DACH1: variants seen among roughly 807,000 people sequenced by gnomAD.
DACH1 encodes dachshund homolog 1.
DACH1 carries 12 observed loss-of-function variants against 54.2 expected under a neutral mutation model. The ratio of observed to expected loss-of-function variants is 0.22; its 90% confidence interval spans 0.14 to 0.36. The LOEUF (loss-of-function observed/expected upper bound fraction) is 0.36. Ranked by LOEUF, DACH1 falls within the 10% of genes least tolerant of loss-of-function variation. DACH1 has a pLI of 1.00. For synonymous variants in DACH1, 386 were observed against 366.2 expected (o/e 1.05, Z -0.62); for missense variants, 805 against 929.8 (o/e 0.87, Z 1.75).
intron 2 of DACH1, among the ~76,000 whole-genome samples, chr13:71,672,664 A>G (rs1369861946): frequency 6.6e-6 from 1 of 152,160 alleles, no homozygotes; most frequent in African/African-American, 2.4e-5. Context: ...TTGCACTAAA[A>G]TAAACAATAT....
intron 1 of DACH1, among the ~76,000 whole-genome samples, chr13:71,818,065 G>A (rs181726802): frequency 6.6e-6 from 1 of 151,848 alleles, no homozygotes; most frequent in African/African-American, 2.4e-5. Context: ...CACCTGCCTC[G>A]GCCTCCCAAA....
chr13:71,727,972 C>A (rs1034672900), intron 1 of DACH1, among the ~76,000 whole-genome samples: 5 of 152,066 alleles, frequency 3.3e-5, no homozygotes, highest in Non-Finnish European at 7.4e-5. Context: ...CTAGACCACA[C>A]TCTGGAAACC....
At chr13:71,653,203 T>G (rs61958961) in intron 2 of DACH1, among the ~76,000 whole-genome samples, 14,157 of 152,098 alleles carry the variant, frequency 0.093, 1,665 homozygotes, top group African/African-American at 0.27. Context: ...AGCAGCACAA[T>G]AAACCCCGCC....
chr13:71,791,694 A>G (rs984728395), intron 1 of DACH1, among the ~76,000 whole-genome samples: 5 of 152,132 alleles, frequency 3.3e-5, no homozygotes, highest in Admixed American at 3.3e-4. Context: ...TGAGTGTGGA[A>G]CTATTCTTAA....
chr13:71,638,540 T>A (rs1338747506), intron 2 of DACH1, among the ~76,000 whole-genome samples: 1 of 152,202 alleles, frequency 6.6e-6, no homozygotes, highest in African/African-American at 2.4e-5. Flanking sequence ...TTTGTTTCAG[T>A]CATAAATGTT....
At chr13:71,777,385 T>C (rs1886108036) in intron 1 of DACH1, among the ~76,000 whole-genome samples, 2 of 152,110 alleles carry the variant, frequency 1.3e-5, no homozygotes, top group Admixed American at 1.3e-4. Context: ...ATGACATCTA[T>C]ATCATAGGGT....
chr13:71,619,698 G>T (rs1469727596), intron 3 of DACH1, among the ~76,000 whole-genome samples: 1 of 151,918 alleles, frequency 6.6e-6, no homozygotes, highest in Non-Finnish European at 1.5e-5. Flanking sequence ...TTAAGTTAAT[G>T]AGAGATTCTT....
At chr13:71,508,298 G>T (rs762694760) in intron 6 of DACH1, among the ~76,000 whole-genome samples, 5 of 151,998 alleles carry the variant, frequency 3.3e-5, no homozygotes, top group African/African-American at 4.8e-5. Flanking sequence ...AAGTATTTTC[G>T]TCCTGTTTCT....
At chr13:71,564,381 C>G (rs980877459) in intron 4 of DACH1, among the ~76,000 whole-genome samples, 8 of 151,346 alleles carry the variant, frequency 5.3e-5, no homozygotes, top group Non-Finnish European at 8.8e-5. Context: ...ATCAACTTTA[C>G]CAATCAATAA....
chr13:71,651,362 T>C (rs1395167237), intron 2 of DACH1, among the ~76,000 whole-genome samples: 1 of 144,702 alleles, frequency 6.9e-6, no homozygotes, highest in African/African-American at 2.6e-5. Flanking sequence ...AGTGAGACCC[T>C]GTCTCACAAA....
intron 3 of DACH1, among the ~76,000 whole-genome samples, chr13:71,593,646 G>T (rs1953163524): frequency 6.6e-6 from 1 of 152,000 alleles, no homozygotes; most frequent in Non-Finnish European, 1.5e-5. Context: ...TGTTGAGTGG[G>T]AATATGTAGA....
chr13:71,830,079 T>TA (rs1300720830), intron 1 of DACH1, among the ~76,000 whole-genome samples: 2 of 151,924 alleles, frequency 1.3e-5, no homozygotes, highest in South Asian at 4.1e-4. Flanking sequence ...CTTACTTTCT[T>TA]AAAATCACCA....
chr13:71,500,503 T>C (rs764288095), intron 6 of DACH1, among the ~76,000 whole-genome samples: 2 of 152,204 alleles, frequency 1.3e-5, no homozygotes, highest in Non-Finnish European at 2.9e-5. Context: ...ATTCAAAGTC[T>C]AATTTGCACG....
intron 10 of DACH1, among the ~76,000 whole-genome samples, chr13:71,474,327 T>A (rs754723214): frequency 1.3e-5 from 2 of 152,104 alleles, no homozygotes; most frequent in Non-Finnish European, 2.9e-5. Context: ...AATGATTGAG[T>A]TTAAAATGCA....
At chr13:71,840,058 T>C (rs1327399676) in intron 1 of DACH1, among the ~76,000 whole-genome samples, 1 of 152,134 alleles carries the variant, frequency 6.6e-6, no homozygotes, top group East Asian at 1.9e-4. Flanking sequence ...GCAATTCTCA[T>C]GCTTTGGCCT....
At chr13:71,637,171 T>A (rs759168347) in intron 2 of DACH1, among the ~76,000 whole-genome samples, 1 of 152,034 alleles carries the variant, frequency 6.6e-6, no homozygotes, top group Non-Finnish European at 1.5e-5. Flanking sequence ...CTAACTTATC[T>A]GGGATGGCGC....
rs149730205 is a variant in DACH1 at position 71,732,301 on chromosome 13, T to C, written c.849-50391A>G. On this transcript the variant is annotated intron_variant, in intron 1 of 10. Coordinates refer to ENST00000613252, the MANE Select transcript of DACH1 (RefSeq NM_080759.6). ...TCCTTTTTGCCTAAAAATCACCAAC[T>C]GGGCCAGGCGCAGTGGCTCACACCT... 9.1e-3 allele frequency among the ~76,000 whole-genome samples: 1,385 copies of C among 151,956 alleles called. 25 individuals carry two copies. Among genetic ancestry groups the C allele is most frequent in the African/African-American group, 0.031 (1,281 of 41,446 alleles).
chr13:71,568,583 C>A (rs1455387592), intron 4 of DACH1, among the ~76,000 whole-genome samples: 1 of 151,906 alleles, frequency 6.6e-6, no homozygotes, highest in African/African-American at 2.4e-5. Flanking sequence ...TAAAATATAA[C>A]AAAGTTAAGG....
At chr13:71,511,065 T>C (rs1184184147) in intron 6 of DACH1, among the ~76,000 whole-genome samples, 1 of 152,050 alleles carries the variant, frequency 6.6e-6, no homozygotes, top group Non-Finnish European at 1.5e-5. Context: ...CACTACGTTA[T>C]GTGCTTGTAA....
Sources: gnomAD v4.1 joint callset for allele counts (sites outside exome capture counted in the v4.1 genomes callset) on GRCh38, gnomAD v4.1.1 for gene constraint, MANE v1.5 for transcripts, NCBI Gene and HGNC (gene_info 2026-07-23, HGNC 2026-07-21) for gene names.